The following DNAH11 variants were observed in gnomAD, a reference collection of about 807,000 sequenced individuals.
DNAH11 encodes the protein dynein axonemal heavy chain 11, also known as axonemal beta dynein heavy chain 11.
In DNAH11, 442 loss-of-function variants were observed where a neutral mutation model predicts 526.0. That is an observed-to-expected ratio of 0.84 (90% confidence interval 0.78 to 0.91). DNAH11 has a LOEUF of 0.91. Ranked by LOEUF, DNAH11 falls within the 40% of genes least tolerant of loss-of-function variation. The pLI, the probability that DNAH11 is intolerant of heterozygous loss-of-function variation, is 0.00. For missense variants in DNAH11, 6,989 were observed against 5,448.7 expected, an observed-to-expected ratio of 1.28 and a Z score of -8.90; for synonymous variants, 2,461 against 1,935.9, an observed-to-expected ratio of 1.27 and a Z score of -7.12.
At chr7:21,596,970 G>C (rs1398449344) in intron 14 of DNAH11, among the ~76,000 whole-genome samples, 4 of 152,170 alleles carry the variant, frequency 2.6e-5, no homozygotes, top group African/African-American at 7.2e-5. Flanking sequence ...CAGGCTTCTG[G>C]TGAGGAACAT....
intron 65 of DNAH11, among the ~76,000 whole-genome samples, chr7:21,827,851 G>T (rs891597156): frequency 2.0e-5 from 3 of 152,124 alleles, no homozygotes; most frequent in Non-Finnish European, 4.4e-5. Flanking sequence ...TTCAAATGAG[G>T]ACTTAGGTGA....
chr7:21,779,696 C>G (rs956547158), intron 57 of DNAH11, among the ~76,000 whole-genome samples: 3 of 152,160 alleles, frequency 2.0e-5, no homozygotes, highest in African/African-American at 7.2e-5. Flanking sequence ...AGTACACTGT[C>G]TTTTGTCATC....
At chr7:21,876,116 C>T (rs1005944243) in intron 74 of DNAH11, among the ~76,000 whole-genome samples, 1 of 152,020 alleles carries the variant, frequency 6.6e-6, no homozygotes, top group Non-Finnish European at 1.5e-5. Context: ...GATCTCCTGA[C>T]CTTGTGATCT....
Position 21,744,519 on chromosome 7 carries a change from T to C in DNAH11, c.8236T>C (p.Tyr2746His). 1.9e-6 allele frequency: 3 copies of C among 1,613,912 alleles called. No homozygotes were observed. The highest frequency in any genetic ancestry group is 2.5e-6 in the Non-Finnish European group (3 of 1,179,834). ...HLWLHESARV[Y>H]GDKLIDKKDC... ...GTGGCTTCATGAATCTGCCCGTGTT[T>C]ATGGAGACAAACTGATAGACAAAAA... The change falls in exon 50 of 82, where the codon TAT (tyrosine) becomes CAT (histidine). Residue 2746 changes from tyrosine to histidine, a missense_variant. Transcript: ENST00000409508.
intron 30 of DNAH11, among the ~76,000 whole-genome samples, chr7:21,678,205 GTCTTA>G (rs1782983192): frequency 6.6e-6 from 1 of 150,970 alleles, no homozygotes; most frequent in Non-Finnish European, 1.5e-5. Flanking sequence ...ACAGTTTCAG[GTCTTA>G]TCTTTAAGTC....
intron 42 of DNAH11, among the ~76,000 whole-genome samples, chr7:21,716,611 T>A (rs1784672905): frequency 6.6e-6 from 1 of 152,188 alleles, no homozygotes; most frequent in East Asian, 1.9e-4. Flanking sequence ...AAGATTCCAC[T>A]TTCCACTCTG....
chr7:21,900,318 G>C lies in DNAH11; in HGVS notation c.13303+198G>C, dbSNP rs572025549. Among the ~76,000 whole-genome samples the C allele has an allele frequency of 3.9e-4, 43 of 109,390 alleles. No homozygotes were observed. The South Asian group carries it at 5.6e-3, about 14-fold the overall frequency. 71.8% of individuals were successfully genotyped at this position (109,390 alleles called of 152,430 possible). A position where few individuals can be genotyped will look rare whatever the true frequency, so the allele number is the denominator to read the frequency against. ...TGAACCAAACTGTAATATTTGGGGT[G>C]ATGGCTATCACTTAAATTTTGCACA... On this transcript the variant is annotated intron_variant, in intron 81 of 81. Coordinates refer to ENST00000409508, the MANE Select transcript of DNAH11 (RefSeq NM_001277115.2).
chr7:21,854,218 A>T, intron 67 of DNAH11, 97 bp from the exon 68 acceptor site: 1 of 1,352,638 alleles, frequency 7.4e-7, no homozygotes. Flanking sequence ...TTTAATACTC[A>T]TAATTTTTCA....
At chr7:21,631,890 G>C (rs1024299564) in intron 25 of DNAH11, among the ~76,000 whole-genome samples, 2 of 152,202 alleles carry the variant, frequency 1.3e-5, no homozygotes, top group Non-Finnish European at 2.9e-5. Context: ...TTGGGACTTT[G>C]TGTGGGGGCT....
intron 65 of DNAH11, among the ~76,000 whole-genome samples, chr7:21,827,816 G>A (rs1790374540): frequency 6.6e-6 from 1 of 152,134 alleles, no homozygotes; most frequent in Admixed American, 6.6e-5. Flanking sequence ...TTGACGCCAT[G>A]CAATTATAGT....
chr7:21,823,782 G>T (rs1410587984), intron 65 of DNAH11, among the ~76,000 whole-genome samples: 1 of 152,112 alleles, frequency 6.6e-6, no homozygotes, highest in Non-Finnish European at 1.5e-5. Context: ...AAATATATTA[G>T]TTAAAATATT....
At position 21,894,514 on chromosome 7, in the gene DNAH11, C is replaced by T. The variant is rs78256269; in HGVS notation, c.12751-109C>T. 2,232 of 1,166,164 alleles carry T rather than the reference C, an allele frequency of 1.9e-3. 47 individuals carry two copies. In the East Asian group the frequency reaches 0.045, roughly 23 times the overall value. The allele number at this position is 1,166,164 out of a possible 1,614,324, so 72.2% of individuals were successfully genotyped here. On this transcript the variant is annotated intron_variant, in intron 77 of 81. Coordinates refer to ENST00000409508, the MANE Select transcript of DNAH11 (RefSeq NM_001277115.2). ...CTTCACATGCATTTGCAGGCACCTT[C>T]GGAAGTCGTATGATATATTCTGTAA... is the stretch of plus-strand genomic sequence containing the variant.
intron 30 of DNAH11, among the ~76,000 whole-genome samples, chr7:21,672,447 G>T (rs1307880230): frequency 6.6e-6 from 1 of 152,084 alleles, no homozygotes; most frequent in Non-Finnish European, 1.5e-5. Context: ...CACCATGTCT[G>T]GCTAAGTTTT....
chr7:21,588,786 C>G, intron 11 of DNAH11, 150 bp downstream of exon 11: 1 of 867,384 alleles, frequency 1.2e-6, no homozygotes, highest in Non-Finnish European at 1.7e-6. Flanking sequence ...GGATTCATTC[C>G]CATGGTTTTG....
At position 21,663,529 on chromosome 7, in the gene DNAH11, G is replaced by A. The variant is rs537906642; in HGVS notation, c.5328+4498G>A. 3.4e-4 allele frequency among the ~76,000 whole-genome samples: 52 copies of A among 152,138 alleles called. No homozygotes were observed. The South Asian group carries it at 0.01, about 30-fold the overall frequency. On this transcript the variant is annotated intron_variant, in intron 30 of 81. Transcript: ENST00000409508. ...TTTAATAGCCATTCTGACTGCTATA[G>A]TATCTCACTGTGGTTTTAATTTGCA... is the stretch of plus-strand genomic sequence containing the variant.
At chr7:21,739,503 A>T in intron 47 of DNAH11, 68 bp from the exon 48 acceptor site, 1 of 1,180,670 alleles carries the variant, frequency 8.5e-7, no homozygotes, top group Non-Finnish European at 1.2e-6. Context: ...GACCTTTATG[A>T]ACTGTTAGAT....
intron 63 of DNAH11, among the ~76,000 whole-genome samples, chr7:21,812,621 T>G (rs1424021979): frequency 6.6e-6 from 1 of 151,950 alleles, no homozygotes; most frequent in Non-Finnish European, 1.5e-5. Context: ...ACCACTGAAC[T>G]CCAGGCTGGG....
At chr7:21,631,239 C>G (rs1219444933) in intron 25 of DNAH11, among the ~76,000 whole-genome samples, 2 of 152,212 alleles carry the variant, frequency 1.3e-5, no homozygotes, top group Non-Finnish European at 2.9e-5. Context: ...TTACCTCCCA[C>G]TGGGTCCTTC....
chr7:21,635,917 T>C lies in DNAH11; in HGVS notation c.4547T>C (p.Ile1516Thr), dbSNP rs746101357. ...LLQSKYVEYF[I>T]EQVLSWQNKL... is the part of the protein sequence containing the mutation. ...CAAAGCAAGTATGTAGAATATTTCA[T>C]TGAGCAAGTGTTAAGCTGGCAAAAT... Residue 1516 changes from isoleucine (I) to threonine (T), a missense_variant, in exon 26 of 82, where the codon ATT becomes ACT. Coordinates refer to ENST00000409508, the MANE Select transcript of DNAH11 (RefSeq NM_001277115.2). The C allele has an allele frequency of 1.9e-6, 3 of 1,613,206 alleles. No homozygotes were observed. Among genetic ancestry groups the C allele is most frequent in the Non-Finnish European group, 2.5e-6 (3 of 1,179,592 alleles).
Sources: gnomAD v4.1 joint callset for allele counts (sites outside exome capture counted in the v4.1 genomes callset) on GRCh38, gnomAD v4.1.1 for gene constraint, MANE v1.5 for transcripts, NCBI Gene and HGNC (gene_info 2026-07-23, HGNC 2026-07-21) for gene names.